Variants in DNAAF5 observed in about 807,000 individuals in gnomAD.
DNAAF5 encodes dynein axonemal assembly factor 5, also known as HEAT repeat containing 2.
A neutral mutation model predicts 75.8 loss-of-function variants in DNAAF5; 64 were observed. The ratio of observed to expected loss-of-function variants is 0.84; its 90% CI spans 0.69 to 1.04. The LOEUF (loss-of-function observed/expected upper bound fraction) is 1.04. DNAAF5 is among the 50% of genes least tolerant of loss of function. The pLI, the probability that DNAAF5 is intolerant of heterozygous loss-of-function variation, is 0.00. For synonymous variants in DNAAF5, 657 were observed against 557.2 expected (o/e 1.18, Z -2.52); for missense variants, 1,269 against 1,178.5 (o/e 1.08, Z -1.12).
At chr7:778,282 C>A (rs1778829291) in intron 11 of DNAAF5, 1 of 152,212 alleles carries the variant, frequency 6.6e-6, no homozygotes, top group Non-Finnish European at 1.5e-5. Context: ...TGGGCCACGG[C>A]CCCCTGTTTA....
At chr7:753,589 C>T (rs1023534474) in intron 4 of DNAAF5, among the ~76,000 whole-genome samples, 1 of 78,526 alleles carries the variant, frequency 1.3e-5, no homozygotes, top group Admixed American at 1.5e-4. Context: ...ATGGGGACGG[C>T]TTCACAGACG....
At chr7:744,502 C>T (rs1011737216) in intron 4 of DNAAF5, among the ~76,000 whole-genome samples, 1 of 152,186 alleles carries the variant, frequency 6.6e-6, no homozygotes, top group South Asian at 2.1e-4. Flanking sequence ...AGGACATGAA[C>T]AGACACTTCT....
rs559150908 is a variant in DNAAF5, at chr7:755,572, G to A, written c.1257+751G>A. ...AGCAGCTTTTACTTCTAGTGGTCCA[G>A]GTCACTGTTACTAGCCCAGCGTAGT... On this transcript the variant is annotated intron_variant, in intron 5 of 12. Transcript: ENST00000297440. Among the ~76,000 whole-genome samples, 13 of 152,302 alleles carry A rather than the reference G, an allele frequency of 8.5e-5. No individual in the cohort carries two copies. In the East Asian group the frequency reaches 2.5e-3, roughly 29 times the overall value.
intron 2 of DNAAF5, among the ~76,000 whole-genome samples, chr7:735,821 G>C (rs1308140654): frequency 6.6e-6 from 1 of 151,316 alleles, no homozygotes; most frequent in Non-Finnish European, 1.5e-5. Flanking sequence ...ACTAATTTTG[G>C]GTTTGGTTTG....
chr7:747,695 G>T (rs1583489515), intron 4 of DNAAF5, among the ~76,000 whole-genome samples: 4 of 125,618 alleles, frequency 3.2e-5, no homozygotes, highest in South Asian at 3.2e-4. Flanking sequence ...GTGTGCAGTG[G>T]TGGCCCACGG....
intron 10 of DNAAF5, among the ~76,000 whole-genome samples, chr7:774,546 G>A (rs1222078953): frequency 4.5e-5 from 6 of 132,222 alleles, no homozygotes; most frequent in Non-Finnish European, 1.0e-4. Flanking sequence ...CAGAGGACGG[G>A]CCTGGGCTTT....
Position 756,843 on chromosome 7 carries a change from T to G in DNAAF5, c.1319T>G (p.Ile440Ser), listed in dbSNP as rs148065657. 9.5e-4 allele frequency: 1,536 copies of G among 1,613,996 alleles called. 15 individuals are homozygous for G. In the African/African-American group the frequency reaches 0.017, roughly 18 times the overall value. The change falls in exon 6 of 13, where the codon ATC becomes AGC. Residue 440 changes from isoleucine to serine, a missense_variant. By Grantham distance (142) the Ile-to-Ser change is moderately radical. Transcript: ENST00000297440. ...FVSPEVFLKL[I>S]LSTLKKTPSA... The stretch of plus-strand genomic sequence containing the variant: ...AGCCCTGAGGTGTTTCTGAAGCTGA[T>G]CTTATCGACGCTGAAGAAGACGCCC...
At chr7:773,658 G>A (rs2128084667) in intron 9 of DNAAF5, among the ~76,000 whole-genome samples, 1 of 152,340 alleles carries the variant, frequency 6.6e-6, no homozygotes, top group South Asian at 2.1e-4. Context: ...ATGCAGATGG[G>A]AAAGGGGCTC....
intron 8 of DNAAF5, chr7:769,205 G>A (rs759912394): frequency 7.8e-6 from 6 of 772,680 alleles, no homozygotes; most frequent in East Asian, 2.4e-5. Flanking sequence ...AACGGCTCAA[G>A]GTGACTCACA....
intron 1 of DNAAF5, among the ~76,000 whole-genome samples, chr7:727,855 C>T (rs1449496886): frequency 3.3e-5 from 5 of 150,732 alleles, no homozygotes; most frequent in Admixed American, 1.3e-4. Flanking sequence ...CGAGCCAGCG[C>T]TTCTGTCCAG....
intron 8 of DNAAF5, among the ~76,000 whole-genome samples, chr7:766,342 CAG>C (rs1324146329): frequency 2.6e-5 from 4 of 152,058 alleles, no homozygotes; most frequent in South Asian, 2.1e-4. Flanking sequence ...CTGTAATAAA[CAG>C]AAGACAAAAG....
chr7:756,866 C>A lies in DNAAF5; in HGVS notation c.1342C>A (p.Pro448Thr). 1.2e-6 allele frequency: 2 copies of A among 1,613,854 alleles called. No homozygotes were observed. Among genetic ancestry groups the A allele is most frequent in the Non-Finnish European group, 1.7e-6 (2 of 1,180,010 alleles). Residue 448 changes from proline (P) to threonine (T), a missense_variant, in exon 6 of 13, where the codon CCC becomes ACC. Pro to Thr is a conservative substitution (Grantham distance 38). Coordinates refer to ENST00000297440, the MANE Select transcript of DNAAF5 (RefSeq NM_017802.4). Reference sequence around the variant, plus strand: ...GATCTTATCGACGCTGAAGAAGACGCCCTCTGCCTCCGGCCTCCTGGTGCT... The same window carrying A: ...GATCTTATCGACGCTGAAGAAGACGACCTCTGCCTCCGGCCTCCTGGTGCT... ...KLILSTLKKT[P>T]SASGLLVLAS...
chr7:762,030 C>G lies in DNAAF5; in HGVS notation c.1614+134C>G, dbSNP rs542350222. On this transcript the variant is annotated intron_variant, in intron 7 of 12. Coordinates refer to ENST00000297440, the MANE Select transcript of DNAAF5 (RefSeq NM_017802.4). ...CAAAGACCAGGGATTGAGAACCTTG[C>G]GGGTGAGTCCCCGGGCAACGGCCTT... 4.3e-3 allele frequency: 860 copies of G among 198,926 alleles called. 11 individuals are homozygous for G. The highest frequency in any genetic ancestry group is 0.039 in the African/African-American group (791 of 20,120). 12.3% of individuals were successfully genotyped at this position (198,926 alleles called of 1,614,324 possible). A position where few individuals can be genotyped will look rare whatever the true frequency, so the allele number is the denominator to read the frequency against.
Position 773,099 on chromosome 7 carries a change from C to G in DNAAF5, c.1932-949C>G, listed in dbSNP as rs543885861. 3 of 152,324 alleles carry G rather than the reference C, an allele frequency of 2.0e-5. No homozygotes were observed. In the East Asian group the frequency reaches 5.8e-4, roughly 29 times the overall value. The allele number at this position is 152,324 out of a possible 1,614,324, so 9.4% of individuals were successfully genotyped here. A position where few individuals can be genotyped will look rare whatever the true frequency, so the allele number is the denominator to read the frequency against. ...TTTCATGTGGTGACCATGGAGCAGG[C>G]GCTGGGTTCGTTCATTCCAGAGAGC... On this transcript the variant is annotated intron_variant, in intron 9 of 12. Coordinates refer to ENST00000297440, the MANE Select transcript of DNAAF5 (RefSeq NM_017802.4).
At chr7:770,340 G>A (rs1292691599) in intron 8 of DNAAF5, 131 bp from the exon 9 acceptor site, 2 of 717,220 alleles carry the variant, frequency 2.8e-6, no homozygotes, top group Non-Finnish European at 4.5e-6. Context: ...GATTGAGAAA[G>A]AGGAAGCGGG....
At chr7:731,978 C>T (rs1781600626) in intron 2 of DNAAF5, among the ~76,000 whole-genome samples, 1 of 152,204 alleles carries the variant, frequency 6.6e-6, no homozygotes, top group Non-Finnish European at 1.5e-5. Flanking sequence ...CACAGAAGGT[C>T]CTGACTGCCT....
At chr7:732,570 T>C (rs1375657010) in intron 2 of DNAAF5, 1 of 456,134 alleles carries the variant, frequency 2.2e-6, no homozygotes, top group East Asian at 6.9e-5. Flanking sequence ...TGGGGATGCA[T>C]GGACAGCTTT....
In DNAAF5 at chr7:726,809, C is replaced by G; in HGVS notation, c.89C>G (p.Ala30Gly). ...ETAEAVELSRALSRLLPGLEA... is the reference protein window; with the variant it reads ...ETAEAVELSRGLSRLLPGLEA... ...GCTGAGGCGGTGGAGCTGAGCCGCG[C>G]CCTGAGCCGCCTGCTGCCGGGGCTG... Residue 30 changes from alanine (A) to glycine (G), a missense_variant, in exon 1 of 13, where the codon GCC (alanine) becomes GGC (glycine). Physicochemically the swap from Ala to Gly is moderately conservative, Grantham distance 60 (BLOSUM62 0). Coordinates refer to ENST00000297440, the MANE Select transcript of DNAAF5 (RefSeq NM_017802.4). The G allele has an allele frequency of 5.3e-6, 7 of 1,322,346 alleles. No homozygotes were observed. Among genetic ancestry groups the G allele is most frequent in the Non-Finnish European group, 6.7e-6 (7 of 1,039,508 alleles). The allele number at this position is 1,322,346 out of a possible 1,614,324, so 81.9% of individuals were successfully genotyped here.
At chr7:737,180 C>A (rs7780344) in intron 2 of DNAAF5, among the ~76,000 whole-genome samples, 69,968 of 151,236 alleles carry the variant, frequency 0.46, 16,259 homozygotes, top group African/African-American at 0.49. Flanking sequence ...ACTGCAACCT[C>A]CGCCTCCCAG....
Sources: gnomAD v4.1 joint callset for allele counts (sites outside exome capture counted in the v4.1 genomes callset) on GRCh38, gnomAD v4.1.1 for gene constraint, MANE v1.5 for transcripts, NCBI Gene and HGNC (gene_info 2026-07-23, HGNC 2026-07-21) for gene names.